The following COLEC12 variants were observed in gnomAD, a reference collection of about 807,000 sequenced individuals.
COLEC12 encodes collectin subfamily member 12.
Under a neutral mutation model 71.1 loss-of-function variants are expected in COLEC12, and 33 were observed. That is an observed-to-expected ratio of 0.46 (90% CI 0.35 to 0.62). The LOEUF is 0.62. COLEC12 is among the 20% of genes least tolerant of loss of function. The pLI is 0.00. For synonymous variants in COLEC12, 350 were observed against 353.0 expected, an observed-to-expected ratio of 0.99 and a Z score of 0.10; for missense variants, 765 against 916.1, an observed-to-expected ratio of 0.84 and a Z score of 2.13.
At chr18:348,908 T>C (rs546846120) in intron 3 of COLEC12, among the ~76,000 whole-genome samples, 2 of 152,338 alleles carry the variant, frequency 1.3e-5, no homozygotes, top group East Asian at 1.9e-4. Flanking sequence ...CCTTGAATTA[T>C]ACTCCCCTAA....
intron 2 of COLEC12, among the ~76,000 whole-genome samples, chr18:375,130 C>G (rs1915085265): frequency 6.6e-6 from 1 of 152,236 alleles, no homozygotes; most frequent in South Asian, 2.1e-4. Context: ...CTAGTTTCAT[C>G]TGGGTCAAGT....
intron 2 of COLEC12, among the ~76,000 whole-genome samples, chr18:420,381 A>C (rs1916073062): frequency 6.6e-6 from 1 of 152,196 alleles, no homozygotes; most frequent in Non-Finnish European, 1.5e-5. Context: ...AATCATGGCA[A>C]ACTGGGGTGA....
intron 2 of COLEC12, among the ~76,000 whole-genome samples, chr18:471,925 C>T (rs978253449): frequency 6.6e-6 from 1 of 152,006 alleles, no homozygotes; most frequent in African/African-American, 2.4e-5. Context: ...ACAGAAGGCC[C>T]CTGGGAAAGC....
Position 352,518 on chromosome 18 carries a change from C to CA in COLEC12, c.182-4356dup, listed in dbSNP as rs142441862. Reference sequence around the variant, plus strand: ...TAAATACATTCATTAAAAAAAAGAACAAAAAAAATCTGTCGACGTTTTCTT... The same window carrying CA: ...TAAATACATTCATTAAAAAAAAGAACAAAAAAAAATCTGTCGACGTTTTCTT... On this transcript the variant is annotated intron_variant, in intron 3 of 9. Transcript: ENST00000400256. 9.0e-4 allele frequency among the ~76,000 whole-genome samples: 137 copies of CA among 151,854 alleles called. 2 individuals carry two copies. The East Asian group carries it at 0.025, about 27-fold the overall frequency.
At chr18:477,498 A>AGACGTCTTTAGAAGAC (rs376467036) in intron 2 of COLEC12, among the ~76,000 whole-genome samples, 2,293 of 152,334 alleles carry the variant, frequency 0.015, 56 homozygotes, top group African/African-American at 0.051. Context: ...CAACTATAAA[A>AGACGTCTTTAGAAGAC]GGCTACAATG....
At chr18:494,310 T>C (rs945944639) in intron 1 of COLEC12, among the ~76,000 whole-genome samples, 3 of 152,216 alleles carry the variant, frequency 2.0e-5, no homozygotes, top group Admixed American at 1.3e-4. Flanking sequence ...TAAATGAACA[T>C]AGATGGCTCA....
chr18:334,182 AC>A (rs1194571615), intron 6 of COLEC12: 1 of 152,234 alleles, frequency 6.6e-6, no homozygotes, highest in Admixed American at 6.5e-5. Context: ...ACAGAGTGAG[AC>A]CCTGTCCCAT....
At chr18:386,553 GTC>G (rs1915349167) in intron 2 of COLEC12, among the ~76,000 whole-genome samples, 1 of 152,206 alleles carries the variant, frequency 6.6e-6, no homozygotes, top group Admixed American at 6.5e-5. Context: ...AGACCTCAGA[GTC>G]TCTAACCTCT....
At chr18:472,678 CAAAAAAAAAAAAAAAAAA>C (rs765169609) in intron 2 of COLEC12, among the ~76,000 whole-genome samples, 2 of 93,686 alleles carry the variant, frequency 2.1e-5, no homozygotes, top group African/African-American at 8.0e-5. Flanking sequence ...GGCCCTGTGA[CAAAAAAAAAAAAAAAAAA>C]AAAAAAAGAA....
At chr18:498,377 T>TTTTCTTTTTTTG (rs1178071975) in intron 1 of COLEC12, among the ~76,000 whole-genome samples, 1 of 138,254 alleles carries the variant, frequency 7.2e-6, no homozygotes, top group Non-Finnish European at 1.5e-5. Context: ...TTTTTTTTTT[T>TTTTCTTTTTTTG]AGACGGAGTC....
chr18:380,257 A>G (rs1915201364), intron 2 of COLEC12, among the ~76,000 whole-genome samples: 1 of 152,152 alleles, frequency 6.6e-6, no homozygotes, highest in East Asian at 1.9e-4. Flanking sequence ...TGCAGAGCAC[A>G]TTATGCTGGC....
chr18:348,234 G>C, intron 3 of COLEC12, 71 bp from the exon 4 acceptor site: 1 of 942,128 alleles, frequency 1.1e-6, no homozygotes, highest in Non-Finnish European at 1.7e-6. Context: ...CAAAACAAGA[G>C]ATCATTTCAT....
chr18:500,477 C>T lies in COLEC12; in HGVS notation c.7+31G>A, dbSNP rs1003671702. On this transcript the variant is annotated intron_variant, in intron 1 of 9. Transcript: ENST00000400256. The surrounding 1 kb of genome is among the most constrained non-coding windows in gnomAD (Gnocchi z 5.3). ...GCGCCCCGAAGCCCGTTCCCCCCGC[C>T]CAGAGCCCCGCGGAGCTGCCGCCGC... The T allele has an allele frequency of 8.1e-7, 1 of 1,227,922 alleles. No individual in the cohort carries two copies. The highest frequency in any genetic ancestry group is 1.0e-6 in the Non-Finnish European group (1 of 984,996). The allele number at this position is 1,227,922 out of a possible 1,614,324, so 76.1% of individuals were successfully genotyped here.
At chr18:419,531 T>C (rs1195587317) in intron 2 of COLEC12, among the ~76,000 whole-genome samples, 2 of 152,194 alleles carry the variant, frequency 1.3e-5, no homozygotes. Flanking sequence ...TGATACAGAG[T>C]CATTATCTGA....
chr18:396,657 C>T (rs1007354059), intron 2 of COLEC12, among the ~76,000 whole-genome samples: 2 of 152,246 alleles, frequency 1.3e-5, no homozygotes, highest in African/African-American at 2.4e-5. Flanking sequence ...GTTAGAAAAA[C>T]GTGTCCCCTC....
chr18:463,503 T>A (rs1255439162), intron 2 of COLEC12, among the ~76,000 whole-genome samples: 5 of 152,092 alleles, frequency 3.3e-5, no homozygotes, highest in Non-Finnish European at 5.9e-5. Context: ...CTCAATGCAA[T>A]GAAAGGTGGC....
Position 378,456 on chromosome 18 carries a change from C to T in COLEC12, c.59-20934G>A, listed in dbSNP as rs567493409. On this transcript the variant is annotated intron_variant, in intron 2 of 9. Coordinates refer to ENST00000400256, the MANE Select transcript of COLEC12 (RefSeq NM_130386.3). ...ACTATTCTTCCATTCTTTTGTGTTT[C>T]GGTGAACTGAAACGTCCGATGCAAT... Among the ~76,000 whole-genome samples, 9 of 152,328 alleles carry T rather than the reference C, an allele frequency of 5.9e-5. No homozygotes were observed. In the East Asian group the frequency reaches 9.6e-4, roughly 16 times the overall value.
intron 2 of COLEC12, among the ~76,000 whole-genome samples, chr18:446,246 A>G (rs904403832): frequency 2.4e-5 from 1 of 41,474 alleles, no homozygotes; most frequent in African/African-American, 6.7e-5. Flanking sequence ...TCCTTGGTGT[A>G]TATATATATG....
At chr18:414,690 G>T (rs1915955441) in intron 2 of COLEC12, among the ~76,000 whole-genome samples, 1 of 152,180 alleles carries the variant, frequency 6.6e-6, no homozygotes, top group Non-Finnish European at 1.5e-5. Flanking sequence ...TTAATTATCA[G>T]TGGGTTTGAC....
Sources: allele counts gnomAD v4.1 joint callset (sites outside exome capture counted in the v4.1 genomes callset), GRCh38; gene constraint gnomAD v4.1.1; non-coding constraint Gnocchi (gnomAD v3.1); transcripts MANE v1.5; gene names NCBI Gene and HGNC (gene_info 2026-07-23, HGNC 2026-07-21).